EFL1: variants seen among roughly 807,000 people sequenced by gnomAD.
EFL1 encodes elongation factor like GTPase 1.
In EFL1, 76 loss-of-function variants were observed where a neutral mutation model predicts 126.7. The ratio of observed to expected loss-of-function variants is 0.60; its 90% CI spans 0.50 to 0.73. EFL1 has a LOEUF of 0.73. Among genes scored for constraint, EFL1 ranks in the 30% least tolerant of loss-of-function variants. The pLI is 0.00. For synonymous variants in EFL1, 410 were observed against 448.4 expected (o/e 0.91, Z 1.08); for missense variants, 1,128 against 1,343.2 (o/e 0.84, Z 2.50).
intron 12 of EFL1, among the ~76,000 whole-genome samples, chr15:82,222,912 A>G (rs1370431112): frequency 1.3e-5 from 2 of 152,202 alleles, no homozygotes; most frequent in Non-Finnish European, 2.9e-5. Context: ...GTCAGGTTGG[A>G]AGGTGAATTT....
At chr15:82,203,738 T>C (rs1324941555) in intron 15 of EFL1, among the ~76,000 whole-genome samples, 1 of 152,198 alleles carries the variant, frequency 6.6e-6, no homozygotes, top group East Asian at 1.9e-4. Flanking sequence ...ATTAATTCTA[T>C]TTGTGAGACT....
intron 16 of EFL1, 93 bp downstream of exon 16, chr15:82,163,760 G>T (rs1251404701): frequency 2.8e-6 from 4 of 1,434,480 alleles, no homozygotes; most frequent in Non-Finnish European, 3.7e-6. Context: ...ATTATATACT[G>T]CTGAAACAAG....
At chr15:82,246,171 T>C (rs186478384) in intron 4 of EFL1, among the ~76,000 whole-genome samples, 37 of 152,204 alleles carry the variant, frequency 2.4e-4, no homozygotes, top group African/African-American at 8.9e-4. Context: ...CACCCAGTAC[T>C]GTGGCCACAC....
At chr15:82,251,468 A>G (rs190734097) in intron 4 of EFL1, among the ~76,000 whole-genome samples, 1 of 152,354 alleles carries the variant, frequency 6.6e-6, no homozygotes, top group East Asian at 1.9e-4. Flanking sequence ...CAGAACAACT[A>G]AAACTGACAC....
chr15:82,215,856 A>C (rs991698957), intron 14 of EFL1, among the ~76,000 whole-genome samples: 2 of 152,176 alleles, frequency 1.3e-5, no homozygotes, highest in African/African-American at 4.8e-5. Context: ...CACATGTTAC[A>C]TCTAAATGTA....
At chr15:82,175,915 CA>C in intron 15 of EFL1, among the ~76,000 whole-genome samples, 1 of 152,162 alleles carries the variant, frequency 6.6e-6, no homozygotes, top group South Asian at 2.1e-4. Context: ...AACTAAAATA[CA>C]AACTGTAGGA....
intron 18 of EFL1, among the ~76,000 whole-genome samples, chr15:82,139,470 G>A (rs978968042): frequency 6.6e-5 from 10 of 152,322 alleles, no homozygotes; most frequent in East Asian, 1.9e-4. Context: ...AATTCCACTA[G>A]CAAATTCTCT....
At chr15:82,257,166 T>C (rs1186754625) in intron 3 of EFL1, among the ~76,000 whole-genome samples, 1 of 152,220 alleles carries the variant, frequency 6.6e-6, no homozygotes, top group Non-Finnish European at 1.5e-5. Context: ...TCAAGTTTCC[T>C]ATTTCTTCTT....
Position 82,181,719 on chromosome 15 carries a change from G to A in EFL1, c.1751-17735C>T, listed in dbSNP as rs143829030. Among the ~76,000 whole-genome samples the A allele has an allele frequency of 5.3e-3, 807 of 152,098 alleles. 7 individuals are homozygous for A. The highest frequency in any genetic ancestry group is 8.6e-3 in the Non-Finnish European group (584 of 68,004). On this transcript the variant is annotated intron_variant, in intron 15 of 19. Coordinates refer to ENST00000268206, the MANE Select transcript of EFL1 (RefSeq NM_024580.6). ...CAAGTTCTCTGGTAGGCCAATGAAC[G>A]TGACACTGTGCCTCCATCCCTCAGG... is the stretch of plus-strand genomic sequence containing the variant.
chr15:82,251,934 A>C (rs2075025601), intron 4 of EFL1, among the ~76,000 whole-genome samples: 2 of 152,352 alleles, frequency 1.3e-5, no homozygotes, highest in Middle Eastern at 3.4e-3. Flanking sequence ...CCCTGCAGAG[A>C]GCTACTGTTA....
intron 15 of EFL1, chr15:82,174,396 T>C (rs1567050478): frequency 2.0e-5 from 3 of 151,316 alleles, no homozygotes; most frequent in Non-Finnish European, 2.9e-5. Flanking sequence ...CTATGATGAT[T>C]AAAAAAAAAT....
At chr15:82,207,303 T>C (rs199647079) in intron 15 of EFL1, among the ~76,000 whole-genome samples, 13,159 of 111,974 alleles carry the variant, frequency 0.12, 739 homozygotes, top group African/African-American at 0.22. Context: ...TATATATATA[T>C]ATATACACAC....
At chr15:82,186,950 C>T (rs1040503293) in intron 15 of EFL1, among the ~76,000 whole-genome samples, 1 of 152,172 alleles carries the variant, frequency 6.6e-6, no homozygotes, top group African/African-American at 2.4e-5. Context: ...ACTGGAACCT[C>T]AGCCTGTAGT....
At chr15:82,191,305 G>T (rs1261265783) in intron 15 of EFL1, among the ~76,000 whole-genome samples, 1 of 152,162 alleles carries the variant, frequency 6.6e-6, no homozygotes, top group Non-Finnish European at 1.5e-5. Flanking sequence ...AAAAAAGAAA[G>T]TTTAAAGTTT....
In EFL1 at chr15:82,152,410, G is replaced by C. The variant is rs762843877; in HGVS notation, c.2044C>G (p.His682Asp). ...ATAATAGGTTCAGATACACTGATAT[G>C]AATCTTTGCAAACCTACAGACAAAT... is the stretch of plus-strand genomic sequence containing the variant. Reference protein sequence around the residue: ...DDLKERFAKIHISVSEPIIPF... With the variant: ...DDLKERFAKIDISVSEPIIPF... Residue 682 changes from histidine (H) to aspartate (D), a missense_variant, in exon 18 of 20, where the codon CAT becomes GAT. His to Asp is a moderately conservative substitution (Grantham distance 81). Coordinates refer to ENST00000268206, the MANE Select transcript of EFL1 (RefSeq NM_024580.6). 2 of 1,605,236 alleles carry C rather than the reference G, an allele frequency of 1.2e-6. No homozygotes were observed. Among genetic ancestry groups the C allele is most frequent in the Admixed American group, 1.7e-5 (1 of 58,796 alleles).
chr15:82,165,680 G>GGTTCTGT (rs2074072173), intron 15 of EFL1, among the ~76,000 whole-genome samples: 2 of 152,150 alleles, frequency 1.3e-5, no homozygotes, highest in Admixed American at 1.3e-4. Context: ...CTTAGTGTGT[G>GGTTCTGT]GAACCTCCAA....
At chr15:82,233,426 T>C (rs1441265122) in intron 7 of EFL1, among the ~76,000 whole-genome samples, 1 of 152,210 alleles carries the variant, frequency 6.6e-6, no homozygotes, top group Non-Finnish European at 1.5e-5. Context: ...ATTCATTGCC[T>C]ATCTTCCTGA....
rs1283027339 is a variant in EFL1, at chr15:82,132,705, G to A, written c.3175-2144C>T. Among the ~76,000 whole-genome samples, 4 of 145,672 alleles carry A rather than the reference G, an allele frequency of 2.7e-5. No individual in the cohort carries two copies. The East Asian group carries it at 8.1e-4, about 30-fold the overall frequency. On this transcript the variant is annotated intron_variant, in intron 19 of 19. Coordinates refer to ENST00000268206, the MANE Select transcript of EFL1 (RefSeq NM_024580.6). ...TTGGGGGGGGGGGGGGGTAGGCAGA[G>A]TGGCAGACAAGGGCGAATGGATGGA...
chr15:82,164,126 C>CTT, intron 15 of EFL1, 142 bp from the exon 16 acceptor site: 13 of 1,027,412 alleles, frequency 1.3e-5, no homozygotes, highest in Non-Finnish European at 1.6e-5. Flanking sequence ...CGGACCTGCA[C>CTT]TGTTTTTTTT....
Sources: gnomAD v4.1 joint callset for allele counts (sites outside exome capture counted in the v4.1 genomes callset) on GRCh38, gnomAD v4.1.1 for gene constraint, MANE v1.5 for transcripts, NCBI Gene and HGNC (gene_info 2026-07-23, HGNC 2026-07-21) for gene names.